The following NXPH1 variants were observed in gnomAD, a reference collection of about 807,000 sequenced individuals.
NXPH1 encodes the protein neurexophilin-1.
NXPH1 carries 5 observed loss-of-function variants against 23.7 expected under a neutral mutation model. The observed-to-expected ratio is 0.21, with a 90% CI of 0.11 to 0.44. The LOEUF is 0.44. Among genes scored for constraint, NXPH1 ranks in the 20% least tolerant of loss-of-function variants. NXPH1 has a pLI of 0.99. For synonymous variants in NXPH1, 144 were observed against 122.2 expected (o/e 1.18, Z -1.18); for missense variants, 324 against 321.6 (o/e 1.01, Z -0.06).
At chr7:8,474,905 C>T (rs944941949) in intron 2 of NXPH1, among the ~76,000 whole-genome samples, 1 of 152,100 alleles carries the variant, frequency 6.6e-6, no homozygotes, top group Non-Finnish European at 1.5e-5. Flanking sequence ...GTTGGTTCTT[C>T]TAAGTACCTT....
At position 8,738,320 on chromosome 7, in the gene NXPH1, C is replaced by T. The variant is rs180889371; in HGVS notation, c.55-12688C>T. Reference sequence around the variant, plus strand: ...TGGATGGGGTTTCTGTGTGGATGTCCTTTTTGTTGAGGTTGATGCTATTCC... The same window carrying T: ...TGGATGGGGTTTCTGTGTGGATGTCTTTTTTGTTGAGGTTGATGCTATTCC... On this transcript the variant is annotated intron_variant, in intron 2 of 2. Transcript: ENST00000405863. Among the ~76,000 whole-genome samples, 51 of 152,216 alleles carry T rather than the reference C, an allele frequency of 3.4e-4. 3 individuals carry two copies. In the East Asian group the frequency reaches 8.9e-3, roughly 27 times the overall value.
Position 8,675,893 on chromosome 7 carries a change from C to T in NXPH1, c.55-75115C>T, listed in dbSNP as rs143767043. ...CAATTCAACTGCTAATCACGGACAC[C>T]CATTTCCATCTAGCCTTCTCTTTTG... On this transcript the variant is annotated intron_variant, in intron 2 of 2. Coordinates refer to ENST00000405863, the MANE Select transcript of NXPH1 (RefSeq NM_152745.3). Among the ~76,000 whole-genome samples the T allele has an allele frequency of 9.2e-5, 14 of 152,190 alleles. No homozygotes were observed. In the East Asian group the frequency reaches 2.5e-3, roughly 27 times the overall value.
intron 2 of NXPH1, among the ~76,000 whole-genome samples, chr7:8,440,339 C>T (rs1365185217): frequency 6.6e-6 from 1 of 152,212 alleles, no homozygotes; most frequent in Non-Finnish European, 1.5e-5. Flanking sequence ...GGTCTGAGGC[C>T]TTCTAGTGAC....
Position 8,751,894 on chromosome 7 carries a change from G to A in NXPH1, c.*125G>A, listed in dbSNP as rs1179628560. ...TCTACACTGCTGCTCTTGTCAACTG[G>A]CTGCAAAATACACTAGTGGAAAACA... On this transcript the variant is annotated 3_prime_UTR_variant, in exon 3 of 3. Coordinates refer to ENST00000405863, the MANE Select transcript of NXPH1 (RefSeq NM_152745.3). This position sits in a 1 kb window ranked among gnomAD's most constrained non-coding sequence, Gnocchi z 4.5. 1.2e-5 allele frequency: 11 copies of A among 884,298 alleles called. No individual in the cohort carries two copies. Among genetic ancestry groups the A allele is most frequent in the Non-Finnish European group, 1.7e-5 (10 of 600,488 alleles). 54.8% of individuals were successfully genotyped at this position (884,298 alleles called of 1,614,324 possible).
At chr7:8,589,733 C>T (rs188533185) in intron 2 of NXPH1, among the ~76,000 whole-genome samples, 4 of 152,130 alleles carry the variant, frequency 2.6e-5, no homozygotes, top group Admixed American at 2.6e-4. Context: ...CTATTAAAGA[C>T]TATGCTCTGG....
At chr7:8,722,145 GA>G (rs200590060) in intron 2 of NXPH1, among the ~76,000 whole-genome samples, 8 of 147,052 alleles carry the variant, frequency 5.4e-5, no homozygotes, top group East Asian at 2.0e-4. Context: ...TGAAGTATGC[GA>G]AAAAAAAAGA....
At chr7:8,580,538 G>C (rs1371655755) in intron 2 of NXPH1, among the ~76,000 whole-genome samples, 1 of 152,092 alleles carries the variant, frequency 6.6e-6, no homozygotes, top group African/African-American at 2.4e-5. Context: ...CTGCTGAAGA[G>C]GCAGCAGCTG....
intron 2 of NXPH1, among the ~76,000 whole-genome samples, chr7:8,476,915 A>C (rs147359699): frequency 1.4e-3 from 211 of 152,284 alleles, no homozygotes; most frequent in African/African-American, 4.8e-3. Flanking sequence ...TGACTATAGG[A>C]GATCACAATG....
chr7:8,572,998 A>T (rs2128622422), intron 2 of NXPH1, among the ~76,000 whole-genome samples: 1 of 152,118 alleles, frequency 6.6e-6, no homozygotes, highest in East Asian at 1.9e-4. Context: ...AGGGGAGTTT[A>T]AAAAAGCAGC....
intron 2 of NXPH1, among the ~76,000 whole-genome samples, chr7:8,513,658 T>C (rs1563332473): frequency 6.6e-6 from 1 of 152,020 alleles, no homozygotes; most frequent in Non-Finnish European, 1.5e-5. Flanking sequence ...AAGGAACATT[T>C]GGAGATGTGA....
At chr7:8,524,502 C>T (rs1050474086) in intron 2 of NXPH1, among the ~76,000 whole-genome samples, 2 of 152,110 alleles carry the variant, frequency 1.3e-5, no homozygotes, top group African/African-American at 4.8e-5. Context: ...TTTTGGAAAT[C>T]ATAGCATGGA....
At chr7:8,445,012 T>C (rs757647385) in intron 2 of NXPH1, among the ~76,000 whole-genome samples, 1 of 152,232 alleles carries the variant, frequency 6.6e-6, no homozygotes, top group African/African-American at 2.4e-5. Context: ...GACTGTATGA[T>C]GTAGGGCATG....
At chr7:8,655,479 C>CACACACAT (rs754883839) in intron 2 of NXPH1, among the ~76,000 whole-genome samples, 8 of 129,996 alleles carry the variant, frequency 6.2e-5, no homozygotes, top group African/African-American at 2.2e-4. Context: ...CACACACACA[C>CACACACAT]ACATCAGATA....
chr7:8,597,321 C>T (rs1819247596), intron 2 of NXPH1, among the ~76,000 whole-genome samples: 1 of 151,964 alleles, frequency 6.6e-6, no homozygotes, highest in African/African-American at 2.4e-5. Flanking sequence ...GCATGGTGGA[C>T]AGACGTGGTG....
rs189123776 is a variant in NXPH1, at chr7:8,653,819, T to C, written c.55-97189T>C. Among the ~76,000 whole-genome samples, 4 of 152,334 alleles carry C rather than the reference T, an allele frequency of 2.6e-5. No homozygotes were observed. The East Asian group carries it at 7.7e-4, about 29-fold the overall frequency. ...TCTTATCAGAAACATGATATACCAT[T>C]GGACTTCATGCATTTTCTTGTTTTC... On this transcript the variant is annotated intron_variant, in intron 2 of 2. Coordinates refer to ENST00000405863, the MANE Select transcript of NXPH1 (RefSeq NM_152745.3).
intron 2 of NXPH1, among the ~76,000 whole-genome samples, chr7:8,546,246 G>C: frequency 6.6e-6 from 1 of 151,350 alleles, no homozygotes; most frequent in East Asian, 2.0e-4. Context: ...TTGAGTACAT[G>C]AAAGTATGGT....
In NXPH1 at chr7:8,612,416, T is replaced by C. The variant is rs376184013; in HGVS notation, c.55-138592T>C. Among the ~76,000 whole-genome samples the C allele has an allele frequency of 3.5e-4, 54 of 152,128 alleles. 1 individual carries two copies. The East Asian group carries it at 9.5e-3, about 27-fold the overall frequency. On this transcript the variant is annotated intron_variant, in intron 2 of 2. Transcript: ENST00000405863. The stretch of plus-strand genomic sequence containing the variant: ...AACATAGTTTTGAGAAGAGGAGATA[T>C]AGTGCTAGTAGCAGCACTCAAGAGA...
At chr7:8,577,532 T>G in intron 2 of NXPH1, among the ~76,000 whole-genome samples, 1 of 152,224 alleles carries the variant, frequency 6.6e-6, no homozygotes, top group South Asian at 2.1e-4. Flanking sequence ...CACCCTTTCA[T>G]CTATTGATCT....
Position 8,441,481 on chromosome 7 carries a change from C to T in NXPH1, c.54+5714C>T, listed in dbSNP as rs115660998. On this transcript the variant is annotated intron_variant, in intron 2 of 2. Transcript: ENST00000405863. ...GTGACAATAAAGTGGGAAACCAAAGCTTGGCAAGCACTTAATCAAGGATAA... is the reference window on the plus strand; with the variant it reads ...GTGACAATAAAGTGGGAAACCAAAGTTTGGCAAGCACTTAATCAAGGATAA... Among the ~76,000 whole-genome samples the T allele has an allele frequency of 3.5e-3, 537 of 152,238 alleles. 3 individuals are homozygous for T. The highest frequency in any genetic ancestry group is 0.014 in the Middle Eastern group (4 of 294).
Sources: allele counts gnomAD v4.1 joint callset (sites outside exome capture counted in the v4.1 genomes callset), GRCh38; gene constraint gnomAD v4.1.1; non-coding constraint Gnocchi (gnomAD v3.1); transcripts MANE v1.5; gene names NCBI Gene and HGNC (gene_info 2026-07-23, HGNC 2026-07-21).